Variants in DMGDH observed in about 807,000 individuals in gnomAD.
DMGDH encodes dimethylglycine dehydrogenase, also known as dimethylglycine dehydrogenase, mitochondrial.
In DMGDH, 76 loss-of-function variants were observed where a neutral mutation model predicts 95.2. That is an observed-to-expected ratio of 0.80 (90% CI 0.66 to 0.97). The LOEUF is 0.97. DMGDH is among the 50% of genes least tolerant of loss of function. The pLI, the probability that DMGDH is intolerant of heterozygous loss-of-function variation, is 0.00. For missense variants in DMGDH, 987 were observed against 1,055.0 expected, an observed-to-expected ratio of 0.94 and a Z score of 0.89; for synonymous variants, 345 against 377.6, an observed-to-expected ratio of 0.91 and a Z score of 1.00.
intron 15 of DMGDH, among the ~76,000 whole-genome samples, chr5:79,003,214 TA>T (rs1753483621): frequency 6.6e-6 from 1 of 152,028 alleles, no homozygotes; most frequent in South Asian, 2.1e-4. Context: ...GTGAAAAATA[TA>T]AAACAAAGGG....
intron 10 of DMGDH, chr5:79,030,601 A>C (rs1754134170): frequency 4.6e-6 from 2 of 438,284 alleles, no homozygotes; most frequent in Non-Finnish European, 4.1e-6. Flanking sequence ...AGCCGAGATC[A>C]CACCACTGCA....
rs2112622643 is a variant in DMGDH, at chr5:79,028,402, A to G, written c.2032+31T>C. 3 of 1,550,308 alleles carry G rather than the reference A, an allele frequency of 1.9e-6. No individual in the cohort carries two copies. The East Asian group carries it at 6.7e-5, about 35-fold the overall frequency. On this transcript the variant is annotated intron_variant, in intron 12 of 15. Transcript: ENST00000255189. ...TTTAAATTGACCTTTTAAATTTCAGAGACTTAGTCCAGGTTGTTTTCCAAT... is the reference window on the plus strand; with the variant it reads ...TTTAAATTGACCTTTTAAATTTCAGGGACTTAGTCCAGGTTGTTTTCCAAT...
chr5:79,053,794 T>C lies in DMGDH; in HGVS notation c.540+390A>G, dbSNP rs537084289. Reference sequence around the variant, plus strand: ...ATTTGTAGAGCAACGTACCATGGCATTTCTTAATTTGATTTTTAAAACATT... The same window carrying C: ...ATTTGTAGAGCAACGTACCATGGCACTTCTTAATTTGATTTTTAAAACATT... On this transcript the variant is annotated intron_variant, in intron 4 of 15. Coordinates refer to ENST00000255189, the MANE Select transcript of DMGDH (RefSeq NM_013391.3). 9.2e-5 allele frequency among the ~76,000 whole-genome samples: 14 copies of C among 152,324 alleles called. No homozygotes were observed. In the South Asian group the frequency reaches 1.7e-3, roughly 18 times the overall value.
intron 7 of DMGDH, among the ~76,000 whole-genome samples, chr5:79,036,156 C>G (rs1010695284): frequency 1.3e-5 from 2 of 152,176 alleles, no homozygotes; most frequent in African/African-American, 2.4e-5. Context: ...TTTAAAAGCA[C>G]TTAGTATACT....
At position 79,006,553 on chromosome 5, in the gene DMGDH, C is replaced by T. The variant is rs759041816; in HGVS notation, c.2251-1146G>A. On this transcript the variant is annotated intron_variant, in intron 14 of 15. Transcript: ENST00000255189. ...GAAAGGAAATTTGTGATATATAAAT[C>T]GTATCTATGGTGAATAAGATTTAAT... Among the ~76,000 whole-genome samples the T allele has an allele frequency of 3.3e-5, 5 of 152,274 alleles. No individual in the cohort carries two copies. In the South Asian group the frequency reaches 6.2e-4, roughly 19 times the overall value.
chr5:79,060,021 C>G (rs1178882465), intron 2 of DMGDH, among the ~76,000 whole-genome samples: 1 of 152,146 alleles, frequency 6.6e-6, no homozygotes, highest in Non-Finnish European at 1.5e-5. Flanking sequence ...ATACGGAAGA[C>G]AAGAGAAAGA....
intron 2 of DMGDH, among the ~76,000 whole-genome samples, chr5:79,056,255 T>A (rs1445176032): frequency 6.6e-6 from 1 of 152,116 alleles, no homozygotes; most frequent in Non-Finnish European, 1.5e-5. Flanking sequence ...TGTATGACTA[T>A]ATAGAAAAGT....
intron 2 of DMGDH, among the ~76,000 whole-genome samples, chr5:79,060,969 C>T (rs1300428005): frequency 1.3e-5 from 2 of 151,414 alleles, no homozygotes; most frequent in Non-Finnish European, 2.9e-5. Context: ...AGCCTATAAT[C>T]CCAGCACTTT....
At position 79,063,635 on chromosome 5, in the gene DMGDH, GTGAGCTC is replaced by G; in HGVS notation, c.247_253del (p.Glu83ArgfsTer11). 1 of 1,614,200 alleles carries G rather than the reference GTGAGCTC, an allele frequency of 6.2e-7. No homozygotes were observed. Among genetic ancestry groups the G allele is most frequent in the Non-Finnish European group, 8.5e-7 (1 of 1,180,046 alleles). ...TACTGCGTGCCAGGTAGATCCAGCC[GTGAGCTC>G]TGATTTCTCCAGCAGGACCACATCT... On this transcript the variant is annotated frameshift_variant, in exon 2 of 16. Transcript: ENST00000255189. LOFTEE classifies it high-confidence loss of function.
chr5:78,998,536 T>C (rs1486348753), intron 15 of DMGDH, among the ~76,000 whole-genome samples: 3 of 152,166 alleles, frequency 2.0e-5, no homozygotes, highest in Non-Finnish European at 4.4e-5. Flanking sequence ...ACTCTGAAAT[T>C]TCTCATTTTT....
At chr5:79,024,600 G>A (rs1753948895) in intron 13 of DMGDH, among the ~76,000 whole-genome samples, 1 of 152,130 alleles carries the variant, frequency 6.6e-6, no homozygotes, top group Admixed American at 6.6e-5. Context: ...AACATCTGAG[G>A]GAATGTACGT....
chr5:79,033,155 A>G, intron 8 of DMGDH, 84 bp downstream of exon 8: 1 of 1,559,358 alleles, frequency 6.4e-7, no homozygotes, highest in Non-Finnish European at 8.8e-7. Context: ...ATCCCAGTGA[A>G]TAGAATAAAG....
In DMGDH at chr5:79,009,360, C is replaced by CTTTTT. The variant is rs372464439; in HGVS notation, c.2251-3954_2251-3953insAAAAA. Reference sequence around the variant, plus strand: ...TTTCTTTCTTCTTTTCTTTTCTTTTCTTTTCTTTTTTTTTTTTTGAGACAG... The same window carrying CTTTTT: ...TTTCTTTCTTCTTTTCTTTTCTTTTCTTTTTTTTTCTTTTTTTTTTTTTGAGACAG... On this transcript the variant is annotated intron_variant, in intron 14 of 15. Coordinates refer to ENST00000255189, the MANE Select transcript of DMGDH (RefSeq NM_013391.3). Among the ~76,000 whole-genome samples the CTTTTT allele has an allele frequency of 8.3e-3, 893 of 107,558 alleles. 30 individuals are homozygous for CTTTTT. Among genetic ancestry groups the CTTTTT allele is most frequent in the African/African-American group, 0.029 (843 of 29,160 alleles). 70.6% of individuals were successfully genotyped at this position (107,558 alleles called of 152,430 possible). A position where few individuals can be genotyped will look rare whatever the true frequency, so the allele number is the denominator to read the frequency against.
chr5:79,051,530 T>G (rs759526884), intron 4 of DMGDH, 39 bp from the exon 5 acceptor site: 15 of 1,542,958 alleles, frequency 9.7e-6, no homozygotes, highest in Non-Finnish European at 9.8e-6. Context: ...CAAATATATA[T>G]ATACTTATTA....
At position 79,042,350 on chromosome 5, in the gene DMGDH, G is replaced by T. The variant is rs1455517170; in HGVS notation, c.1126C>A (p.Pro376Thr). The T allele has an allele frequency of 6.2e-7, 1 of 1,614,226 alleles. No individual in the cohort carries two copies. Among genetic ancestry groups the T allele is most frequent in the African/African-American group, 1.3e-5 (1 of 75,064 alleles). The change falls in exon 7 of 16, where the codon CCT (proline) becomes ACT (threonine). Residue 376 changes from proline to threonine, a missense_variant. Transcript: ENST00000255189. Reference protein sequence around the residue: ...NVVNGPITYSPDILPMVGPHQ... With the variant: ...NVVNGPITYSTDILPMVGPHQ... ...GGCCCCACCATAGGCAGAATGTCAG[G>T]AGAATACGTGATAGGACCATTGACA...
intron 2 of DMGDH, among the ~76,000 whole-genome samples, chr5:79,061,912 AAAT>A (rs1337245624): frequency 2.0e-5 from 3 of 152,216 alleles, no homozygotes; most frequent in Non-Finnish European, 4.4e-5. Context: ...CTGTCTCAAA[AAAT>A]AATGATAATA....
chr5:79,048,237 A>G (rs952264784), intron 5 of DMGDH, among the ~76,000 whole-genome samples: 1 of 152,118 alleles, frequency 6.6e-6, no homozygotes, highest in Non-Finnish European at 1.5e-5. Flanking sequence ...ACTTTTCAAG[A>G]TGGGGACTAT....
chr5:79,028,679 A>C (rs1754069729), intron 11 of DMGDH, 29 bp from the exon 12 acceptor site: 2 of 1,604,148 alleles, frequency 1.2e-6, no homozygotes, highest in Admixed American at 1.7e-5. Flanking sequence ...CATGGTGTTA[A>C]ATATTGCTTG....
chr5:79,017,390 G>C (rs1195570741), intron 14 of DMGDH, among the ~76,000 whole-genome samples: 2 of 152,120 alleles, frequency 1.3e-5, no homozygotes, highest in African/African-American at 4.8e-5. Flanking sequence ...AGAAATGGCA[G>C]GGAGGCACAT....
Sources: allele counts gnomAD v4.1 joint callset (sites outside exome capture counted in the v4.1 genomes callset), GRCh38; gene constraint gnomAD v4.1.1; transcripts MANE v1.5; gene names NCBI Gene and HGNC (gene_info 2026-07-23, HGNC 2026-07-21).